The following CSF2RA variants were observed in gnomAD, a reference collection of about 807,000 sequenced individuals.
CSF2RA encodes the protein granulocyte-macrophage colony-stimulating factor receptor subunit alpha.
In CSF2RA, 42 loss-of-function variants were observed where a neutral mutation model predicts 51.6. The observed-to-expected ratio is 0.81, with a 90% confidence interval of 0.64 to 1.05. The LOEUF (loss-of-function observed/expected upper bound fraction) is 1.05, where lower values mean the gene tolerates loss of function less well. CSF2RA is among the 50% of genes least tolerant of loss of function. CSF2RA has a pLI of 0.00. For missense variants in CSF2RA, 530 were observed against 501.1 expected, an observed-to-expected ratio of 1.06 and a Z score of -0.55; for synonymous variants, 222 against 193.0, an observed-to-expected ratio of 1.15 and a Z score of -1.24.
At chrX:1,316,037 C>CAGATAGATAGAT in the CSF2RA span, among the ~76,000 whole-genome samples, 1 of 56,076 alleles carries the variant, frequency 1.8e-5, no homozygotes, top group African/African-American at 4.9e-5. Flanking sequence ...CATAGATAGA[C>CAGATAGATAGAT]CAATAGACAG....
chrX:1,305,770 C>T (rs1279264027), intron 12 of CSF2RA: 6 of 1,551,122 alleles, frequency 3.9e-6, no homozygotes, highest in Admixed American at 3.9e-5. Flanking sequence ...GGGTGGTGGT[C>T]AAGAAAAGGA....
chrX:1,306,004 C>T (rs1333669263), intron 12 of CSF2RA: 2 of 536,022 alleles, frequency 3.7e-6, no homozygotes, highest in African/African-American at 3.8e-5. Context: ...ACGGCTTGAA[C>T]CCAGGGGGCG....
intron 4 of CSF2RA, among the ~76,000 whole-genome samples, chrX:1,288,068 A>G (rs1193691376): frequency 6.6e-6 from 1 of 151,592 alleles, no homozygotes; most frequent in Admixed American, 6.6e-5. Flanking sequence ...CTGCTAGAGT[A>G]TAAGATTGAG....
At chrX:1,295,899 C>G (rs1369138952) in intron 9 of CSF2RA, among the ~76,000 whole-genome samples, 1 of 124,518 alleles carries the variant, frequency 8.0e-6, no homozygotes. Context: ...ATGACCCCTA[C>G]AGTCCCCTAC....
chrX:1,322,442 T>TG, the CSF2RA span, among the ~76,000 whole-genome samples: 2,089 of 83,470 alleles, frequency 0.025, 62 homozygotes, highest in African/African-American at 0.084. Context: ...TGTGTTTGTT[T>TG]TTTTTTTTTT....
At chrX:1,301,194 G>T (rs373025683) in intron 10 of CSF2RA, among the ~76,000 whole-genome samples, 1 of 145,534 alleles carries the variant, frequency 6.9e-6, no homozygotes, top group South Asian at 2.2e-4. Context: ...AACCAGGATT[G>T]GTGGCACATT....
intron 7 of CSF2RA, among the ~76,000 whole-genome samples, chrX:1,291,240 C>T (rs2091362655): frequency 6.9e-6 from 1 of 145,504 alleles, no homozygotes; most frequent in Admixed American, 6.8e-5. Flanking sequence ...TACCTCCTTC[C>T]TTCTTTCCTT....
chrX:1,297,686 C>G (rs1491003288), intron 9 of CSF2RA, among the ~76,000 whole-genome samples: 2 of 49,142 alleles, frequency 4.1e-5, no homozygotes, highest in African/African-American at 8.0e-5. Flanking sequence ...TACTCACGAC[C>G]CCTACAGTCT....
intron 1 of CSF2RA, among the ~76,000 whole-genome samples, chrX:1,274,221 T>C (rs2088840123): frequency 6.6e-6 from 1 of 152,114 alleles, no homozygotes; most frequent in South Asian, 2.1e-4. Context: ...AAGTTCATTT[T>C]GCCGAGGTTA....
At chrX:1,314,973 C>CAT (rs1463399231), downstream of CSF2RA, among the ~76,000 whole-genome samples, 36 of 111,878 alleles carry the variant, frequency 3.2e-4, 3 homozygotes, top group African/African-American at 1.2e-3. Flanking sequence ...CCCCACTGTG[C>CAT]CTGCCCAATC....
rs28505671 is a variant in CSF2RA, at chrX:1,286,071, A to G, written c.219+151A>G. 417,778 of 791,374 alleles carry G rather than the reference A, an allele frequency of 0.53. 115,741 individuals are homozygous for G. The highest frequency in any genetic ancestry group is 0.76 in the African/African-American group (44,969 of 59,354). The allele number at this position is 791,374 out of a possible 1,614,324, so 49.0% of individuals were successfully genotyped here. A position where few individuals can be genotyped will look rare whatever the true frequency, so the allele number is the denominator to read the frequency against. On this transcript the variant is annotated intron_variant, in intron 4 of 12. Transcript: ENST00000381529. ...GCGGATCACCTGAGGTCGGGAGTTC[A>G]AGACCAGCCTGACCAACATGGTGAA...
the CSF2RA span, among the ~76,000 whole-genome samples, chrX:1,317,911 A>G: frequency 3.3e-5 from 5 of 150,964 alleles, no homozygotes; most frequent in South Asian, 8.4e-4. Context: ...GGCTTAAACA[A>G]TCCTCCCACC....
rs1310412492 is a variant in CSF2RA, at chrX:1,309,726, A to T, written c.*247A>T. On this transcript the variant is annotated 3_prime_UTR_variant, in exon 13 of 13. Coordinates refer to ENST00000381529, the MANE Select transcript of CSF2RA (RefSeq NM_172245.4). ...ACATGGTGAAACCCCATCTGGACTAAAAATGCAGAAATTTACCCAGGCACG... is the reference window on the plus strand; with the variant it reads ...ACATGGTGAAACCCCATCTGGACTATAAATGCAGAAATTTACCCAGGCACG... 2.4e-6 allele frequency: 2 copies of T among 830,648 alleles called. No individual in the cohort carries two copies. The highest frequency in any genetic ancestry group is 4.1e-6 in the Non-Finnish European group (2 of 493,198). 51.5% of individuals were successfully genotyped at this position (830,648 alleles called of 1,614,324 possible).
downstream of CSF2RA, among the ~76,000 whole-genome samples, chrX:1,313,233 G>A (rs2084260253): frequency 6.6e-6 from 1 of 151,970 alleles, no homozygotes; most frequent in Non-Finnish European, 1.5e-5. Flanking sequence ...AAACCAGCCT[G>A]GCCAACGTGG....
At chrX:1,320,187 G>A in the CSF2RA span, among the ~76,000 whole-genome samples, 5 of 150,016 alleles carry the variant, frequency 3.3e-5, no homozygotes, top group Admixed American at 6.7e-5. Context: ...GAGCCACTGC[G>A]CCCGGCCTGT....
chrX:1,322,867 C>T, the CSF2RA span, among the ~76,000 whole-genome samples: 6 of 151,942 alleles, frequency 3.9e-5, no homozygotes, highest in Admixed American at 2.0e-4. Context: ...CGGTGGCTCA[C>T]GCCTGTAATC....
chrX:1,314,254 GC>G (rs2084324385), downstream of CSF2RA, among the ~76,000 whole-genome samples: 2 of 29,614 alleles, frequency 6.8e-5, no homozygotes, highest in African/African-American at 2.0e-4. Context: ...CACTGCACCT[GC>G]CCAACCCCAC....
chrX:1,287,300 C>CAT (rs2090821471), intron 4 of CSF2RA: 1 of 150,984 alleles, frequency 6.6e-6, no homozygotes. Context: ...ATTACAGGTG[C>CAT]GTGCCACCAC....
Position 1,301,350 on chromosome X carries a change from A to AG in CSF2RA, c.946+724_946+725insG, listed in dbSNP as rs1181382145. Among the ~76,000 whole-genome samples, 910 of 146,846 alleles carry AG rather than the reference A, an allele frequency of 6.2e-3. 8 individuals carry two copies. The highest frequency in any genetic ancestry group is 0.016 in the African/African-American group (603 of 38,294). On this transcript the variant is annotated intron_variant, in intron 10 of 12. Coordinates refer to ENST00000381529, the MANE Select transcript of CSF2RA (RefSeq NM_172245.4). ...CTGTCTCAAAAAAAAAAAAAAAAAA[A>AG]AAAAGAAAAAGTAGAAGGAGGTGGT... is the stretch of plus-strand genomic sequence containing the variant.
Sources: gnomAD v4.1 joint callset for allele counts (sites outside exome capture counted in the v4.1 genomes callset) on GRCh38, gnomAD v4.1.1 for gene constraint, MANE v1.5 for transcripts, NCBI Gene and HGNC (gene_info 2026-07-23, HGNC 2026-07-21) for gene names.